KCTD8: variants seen among roughly 807,000 people sequenced by gnomAD.
KCTD8 encodes the protein potassium channel tetramerization domain containing 8.
In KCTD8, 27 loss-of-function variants were observed where a neutral mutation model predicts 31.5. The ratio of observed to expected loss-of-function variants is 0.86; its 90% CI spans 0.63 to 1.18. The LOEUF (loss-of-function observed/expected upper bound fraction) is 1.18. Among genes scored for constraint, KCTD8 ranks in the 50% most tolerant of loss-of-function variants. The probability of loss-of-function intolerance (pLI) is 0.00; values close to 1 mark genes in which losing one functional copy is unlikely to be tolerated. For synonymous variants in KCTD8, 290 were observed against 280.0 expected (o/e 1.04, Z -0.36); for missense variants, 658 against 647.7 (o/e 1.02, Z -0.17).
At chr4:44,365,261 T>A (rs1199223278) in intron 1 of KCTD8, among the ~76,000 whole-genome samples, 1 of 151,840 alleles carries the variant, frequency 6.6e-6, no homozygotes, top group Non-Finnish European at 1.5e-5. Context: ...TACTTTTCAA[T>A]AAAAAAAATT....
At chr4:44,341,994 G>A (rs921127667) in intron 1 of KCTD8, among the ~76,000 whole-genome samples, 10 of 152,150 alleles carry the variant, frequency 6.6e-5, no homozygotes, top group African/African-American at 1.9e-4. Flanking sequence ...TCTGTTGGCA[G>A]GCAGGAAAAC....
intron 1 of KCTD8, among the ~76,000 whole-genome samples, chr4:44,360,043 A>G (rs982486240): frequency 2.6e-5 from 4 of 152,086 alleles, no homozygotes; most frequent in South Asian, 2.1e-4. Flanking sequence ...ACTTTCCCTT[A>G]TGATACAGGG....
At chr4:44,208,341 C>A (rs1038581556) in intron 1 of KCTD8, among the ~76,000 whole-genome samples, 5 of 152,260 alleles carry the variant, frequency 3.3e-5, no homozygotes, top group African/African-American at 9.6e-5. Context: ...GAAGGACCAA[C>A]TAGCAGGGAA....
intron 1 of KCTD8, among the ~76,000 whole-genome samples, chr4:44,197,725 C>T (rs1253886514): frequency 6.6e-6 from 1 of 152,136 alleles, no homozygotes; most frequent in African/African-American, 2.4e-5. Context: ...AAAAAATCAG[C>T]CTAAGAATTC....
chr4:44,374,105 A>G (rs1260387164), intron 1 of KCTD8, among the ~76,000 whole-genome samples: 3 of 152,298 alleles, frequency 2.0e-5, no homozygotes, highest in Admixed American at 1.3e-4. Context: ...AATGGCCAAT[A>G]TTCTTTAAAC....
intron 1 of KCTD8, among the ~76,000 whole-genome samples, chr4:44,383,179 A>T (rs1281481653): frequency 6.6e-6 from 1 of 152,070 alleles, no homozygotes; most frequent in Non-Finnish European, 1.5e-5. Flanking sequence ...AAAGACACCA[A>T]AAATGAAAGA....
At chr4:44,265,384 C>T (rs1577582363) in intron 1 of KCTD8, among the ~76,000 whole-genome samples, 1 of 152,230 alleles carries the variant, frequency 6.6e-6, no homozygotes, top group East Asian at 1.9e-4. Context: ...ACACCAAAAA[C>T]CCATCTGTAC....
intron 1 of KCTD8, among the ~76,000 whole-genome samples, chr4:44,238,234 T>C (rs1715348046): frequency 6.6e-6 from 1 of 152,042 alleles, no homozygotes; most frequent in Admixed American, 6.6e-5. Flanking sequence ...TGAGTCCTCT[T>C]TCAGCTTGAG....
At chr4:44,442,788 C>CACACACACACAA (rs1490445190) in intron 1 of KCTD8, among the ~76,000 whole-genome samples, 1 of 151,968 alleles carries the variant, frequency 6.6e-6, no homozygotes, top group East Asian at 1.9e-4. Context: ...CACACACACA[C>CACACACACACAA]ACACACACAC....
At chr4:44,255,938 A>C (rs1014715963) in intron 1 of KCTD8, among the ~76,000 whole-genome samples, 1 of 152,000 alleles carries the variant, frequency 6.6e-6, no homozygotes, top group African/African-American at 2.4e-5. Context: ...GCTGCTAATA[A>C]AGACATACCT....
chr4:44,218,470 A>G (rs1577836436), intron 1 of KCTD8, among the ~76,000 whole-genome samples: 1 of 151,596 alleles, frequency 6.6e-6, no homozygotes, highest in African/African-American at 2.4e-5. Flanking sequence ...ATTGTAACTC[A>G]AAGGATAAAT....
chr4:44,183,762 C>G (rs28705906), intron 1 of KCTD8, among the ~76,000 whole-genome samples: 1 of 151,620 alleles, frequency 6.6e-6, no homozygotes, highest in Non-Finnish European at 1.5e-5. Context: ...AAAAAAAAAA[C>G]TTTTCATTTT....
At chr4:44,439,557 A>C (rs1721764923) in intron 1 of KCTD8, among the ~76,000 whole-genome samples, 1 of 152,178 alleles carries the variant, frequency 6.6e-6, no homozygotes, top group Non-Finnish European at 1.5e-5. Flanking sequence ...CAAGGTTAAG[A>C]AATATAAGTA....
At chr4:44,397,879 A>T (rs531046851) in intron 1 of KCTD8, among the ~76,000 whole-genome samples, 1 of 152,236 alleles carries the variant, frequency 6.6e-6, no homozygotes, top group East Asian at 1.9e-4. Context: ...ATACCTAAAA[A>T]ATTGATTTTT....
intron 1 of KCTD8, among the ~76,000 whole-genome samples, chr4:44,398,977 A>C (rs1720579059): frequency 6.6e-6 from 1 of 152,206 alleles, no homozygotes; most frequent in Non-Finnish European, 1.5e-5. Context: ...TAAGTCAGTA[A>C]AACAAAAGAG....
chr4:44,266,826 T>A (rs999936365), intron 1 of KCTD8, among the ~76,000 whole-genome samples: 19 of 152,064 alleles, frequency 1.2e-4, no homozygotes, highest in African/African-American at 4.3e-4. Context: ...AAGGGATCAA[T>A]TCAACAAGAA....
At chr4:44,354,702 A>G (rs914836569) in intron 1 of KCTD8, among the ~76,000 whole-genome samples, 1 of 152,092 alleles carries the variant, frequency 6.6e-6, no homozygotes, top group African/African-American at 2.4e-5. Flanking sequence ...TATCATCCCT[A>G]TGTTACAAAT....
intron 1 of KCTD8, among the ~76,000 whole-genome samples, chr4:44,264,298 C>A (rs1178224030): frequency 6.6e-6 from 1 of 152,090 alleles, no homozygotes; most frequent in African/African-American, 2.4e-5. Context: ...ATATTTGGGT[C>A]AGAATTTAGT....
At chr4:44,286,090 C>T (rs1344025865) in intron 1 of KCTD8, among the ~76,000 whole-genome samples, 1 of 152,060 alleles carries the variant, frequency 6.6e-6, no homozygotes, top group African/African-American at 2.4e-5. Flanking sequence ...CTCTTTACTC[C>T]AAAACCTTCT....
Sources: allele counts gnomAD v4.1 joint callset (sites outside exome capture counted in the v4.1 genomes callset), GRCh38; gene constraint gnomAD v4.1.1; transcripts MANE v1.5; gene names NCBI Gene and HGNC (gene_info 2026-07-23, HGNC 2026-07-21).